IL17REL: variants seen among roughly 807,000 people sequenced by gnomAD.
The protein encoded by IL17REL is interleukin 17 receptor E like, also known as interleukin-17 receptor E-like protein.
A neutral mutation model predicts 49.0 loss-of-function variants in IL17REL; 36 were observed. The ratio of observed to expected loss-of-function variants is 0.73; its 90% CI spans 0.56 to 0.97. The LOEUF is 0.97. Ranked by LOEUF, IL17REL falls within the 50% of genes least tolerant of loss-of-function variation. IL17REL has a pLI of 0.00. For synonymous variants in IL17REL, 206 were observed against 192.4 expected, an observed-to-expected ratio of 1.07 and a Z score of -0.58; for missense variants, 470 against 453.9, an observed-to-expected ratio of 1.04 and a Z score of -0.32.
At chr22:50,000,304 A>C (rs2146746886) in intron 4 of IL17REL, among the ~76,000 whole-genome samples, 64 bp from the exon 6 acceptor site, 1 of 152,076 alleles carries the variant, frequency 6.6e-6, no homozygotes, top group East Asian at 1.9e-4. Context: ...ATCCTCCTCC[A>C]CCCGCCCCCC....
chr22:50,006,736 G>T (rs1331832928), intron 1 of IL17REL, among the ~76,000 whole-genome samples: 2 of 152,052 alleles, frequency 1.3e-5, no homozygotes, highest in East Asian at 3.9e-4. Context: ...GGCGGATCAT[G>T]AGGTCAAGAG....
chr22:49,992,078 A>G (rs545774511), downstream of IL17REL, among the ~76,000 whole-genome samples: 201 of 152,330 alleles, frequency 1.3e-3, no homozygotes, highest in African/African-American at 4.7e-3. Flanking sequence ...AGCCTTTCCA[A>G]AGGAAGAAAT....
intron 4 of IL17REL, 25 bp from the exon 7 acceptor site, chr22:49,999,992 C>G: frequency 6.7e-7 from 1 of 1,487,250 alleles, no homozygotes; most frequent in Non-Finnish European, 9.0e-7. Context: ...AAGTCGGGGC[C>G]GCGCTGGGAC....
chr22:49,996,799 C>G, exon 13 of IL17REL: 1 of 514,104 alleles, frequency 1.9e-6, no homozygotes, highest in Non-Finnish European at 3.4e-6. Context: ...AGATGGGCAC[C>G]CACTGGAGCG....
At chr22:49,997,217 G>A (rs1019415324) in intron 11 of IL17REL, 103 bp downstream of exon 13, 5 of 1,419,800 alleles carry the variant, frequency 3.5e-6, no homozygotes, top group African/African-American at 1.4e-5. Context: ...ACCCTGGGTG[G>A]GCTCAGGGCC....
At chr22:49,997,475 T>A (rs2061043645) in intron 10 of IL17REL, 1 of 1,533,200 alleles carries the variant, frequency 6.5e-7, no homozygotes, top group Admixed American at 1.8e-5. Context: ...TGGATGGTCA[T>A]TTTCCAGGCT....
chr22:50,004,851 C>CAAAA (rs137852), intron 1 of IL17REL, among the ~76,000 whole-genome samples: 2,731 of 141,706 alleles, frequency 0.019, 66 homozygotes, highest in African/African-American at 0.058. Flanking sequence ...GACTCCATCT[C>CAAAA]AAAAAAAAAA....
At chr22:50,004,517 T>A (rs1170725565) in intron 1 of IL17REL, among the ~76,000 whole-genome samples, 1 of 152,108 alleles carries the variant, frequency 6.6e-6, no homozygotes, top group East Asian at 1.9e-4. Context: ...CGGGGCTTGG[T>A]ATGCAGCAAT....
upstream of IL17REL, among the ~76,000 whole-genome samples, chr22:50,010,766 G>GGCAC (rs1555950202): frequency 7.3e-6 from 1 of 137,624 alleles, no homozygotes; most frequent in Non-Finnish European, 1.5e-5. Context: ...CCTGCCCCAC[G>GGCAC]GCACGGGGAG....
intron 1 of IL17REL, among the ~76,000 whole-genome samples, chr22:50,001,684 A>G (rs944443916): frequency 6.6e-6 from 1 of 152,228 alleles, no homozygotes; most frequent in Non-Finnish European, 1.5e-5. Flanking sequence ...CCGCATCCTC[A>G]CAGGGAGGAC....
chr22:50,012,123 G>A (rs574144810), upstream of IL17REL, among the ~76,000 whole-genome samples: 14 of 152,288 alleles, frequency 9.2e-5, no homozygotes, highest in African/African-American at 3.4e-4. Flanking sequence ...CCCCAACCCA[G>A]CCACCTCCAC....
chr22:49,998,979 G>A (rs868619981), intron 7 of IL17REL, among the ~76,000 whole-genome samples: 1 of 152,132 alleles, frequency 6.6e-6, no homozygotes, highest in Non-Finnish European at 1.5e-5. Context: ...ATGTGTGTGT[G>A]TGCAGCGTCG....
At chr22:49,999,452 C>T (rs752224497) in exon 6 of IL17REL, 1 of 1,611,958 alleles carries the variant, frequency 6.2e-7, no homozygotes, top group Non-Finnish European at 8.5e-7. Flanking sequence ...GGCACGGCAG[C>T]TCCTGGCTGT....
chr22:49,999,760 A>G lies in IL17REL; in HGVS notation c.474+68T>C, dbSNP rs1383894543. ...GCGGGGTGGGCGGGGCCTAAGGCTG[A>G]CCGGGGCCCGGGGCGCGGAGGTGGG... On this transcript the variant is annotated intron_variant, in intron 5 of 12. Transcript: ENST00000341280. The G allele has an allele frequency of 6.5e-5, 73 of 1,129,494 alleles. 1 individual carries two copies. In the East Asian group the frequency reaches 1.1e-3, roughly 17 times the overall value. 70.0% of individuals were successfully genotyped at this position (1,129,494 alleles called of 1,614,324 possible).
chr22:49,997,107 G>A (rs868097359), intron 11 of IL17REL, 33 bp from the exon 14 acceptor site: 11 of 1,563,742 alleles, frequency 7.0e-6, no homozygotes, highest in Middle Eastern at 1.7e-4. Context: ...CAGGCAATGG[G>A]AGGAAGGGTG....
downstream of IL17REL, among the ~76,000 whole-genome samples, chr22:49,993,990 G>GC (rs904522758): frequency 7.2e-5 from 11 of 152,134 alleles, no homozygotes; most frequent in Admixed American, 3.3e-4. The surrounding 1 kb of genome is among the most constrained non-coding windows in gnomAD (Gnocchi z 6.0). Flanking sequence ...CTTGTGCTGT[G>GC]CCCCCCACCC....
At position 49,997,795 on chromosome 22, in the gene IL17REL, C is replaced by G. The variant is rs2146739842; in HGVS notation, c.820-53G>C. On this transcript the variant is annotated intron_variant, in intron 9 of 12. Transcript: ENST00000341280. ...GGGTGGAGTGTGTGTGAGGCAGGGG[C>G]AGGGACAGGGGCAGGGACAGGGACA... is the stretch of plus-strand genomic sequence containing the variant. 3 of 1,565,358 alleles carry G rather than the reference C, an allele frequency of 1.9e-6. No homozygotes were observed. The East Asian group carries it at 6.7e-5, about 35-fold the overall frequency.
chr22:50,007,767 C>T (rs2061118088), intron 1 of IL17REL, among the ~76,000 whole-genome samples: 2 of 152,090 alleles, frequency 1.3e-5, no homozygotes. Flanking sequence ...GATCTAATCT[C>T]CTCCCTTAAG....
chr22:49,997,953 C>T, intron 9 of IL17REL, 72 bp downstream of exon 11: 1 of 1,559,832 alleles, frequency 6.4e-7, no homozygotes. Context: ...AGGGCCCCTG[C>T]CCCACTCCCC....
Sources: allele counts gnomAD v4.1 joint callset (sites outside exome capture counted in the v4.1 genomes callset), GRCh38; gene constraint gnomAD v4.1.1; non-coding constraint Gnocchi (gnomAD v3.1); transcripts MANE v1.5; gene names NCBI Gene and HGNC (gene_info 2026-07-23, HGNC 2026-07-21).